Variants in ASB13 observed in about 807,000 individuals in gnomAD.
ASB13 encodes ankyrin repeat and SOCS box containing 13.
ASB13 carries 33 observed loss-of-function variants against 28.8 expected under a neutral mutation model. That is an observed-to-expected ratio of 1.15 (90% confidence interval 0.87 to 1.53). ASB13 has a LOEUF of 1.53. Among genes scored for constraint, ASB13 ranks in the 40% most tolerant of loss-of-function variants. The probability of loss-of-function intolerance (pLI) is 0.00; values close to 1 mark genes in which losing one functional copy is unlikely to be tolerated. For missense variants in ASB13, 414 were observed against 390.1 expected (o/e 1.06, Z -0.52); for synonymous variants, 182 against 172.9 (o/e 1.05, Z -0.41).
At chr10:5,646,245 TG>T (rs1212116786) in intron 4 of ASB13, among the ~76,000 whole-genome samples, 2 of 152,156 alleles carry the variant, frequency 1.3e-5, no homozygotes, top group African/African-American at 2.4e-5. Context: ...GGTAATGTGG[TG>T]GGGGCGGGAG....
In ASB13 at chr10:5,652,900, G is replaced by A. The variant is rs771517257; in HGVS notation, c.194C>T (p.Ala65Val). The A allele has an allele frequency of 1.1e-5, 18 of 1,581,342 alleles. No individual in the cohort carries two copies. Among genetic ancestry groups the A allele is most frequent in the Admixed American group, 3.6e-5 (2 of 55,504 alleles). The part of the protein sequence containing the change: ...PLHAASLQGQ[A>V]RCVQLLLAAG... ...CGCCAGCAGCAGCTGCACACACCGC[G>A]CCTGGCCCTGCAGACTGGCTGCGTG... The change falls in exon 2 of 6, where the codon GCG becomes GTG. Residue 65 changes from alanine (A) to valine (V), a missense_variant. Physicochemically the swap from Ala to Val is moderately conservative, Grantham distance 64. Coordinates refer to ENST00000357700, the MANE Select transcript of ASB13 (RefSeq NM_024701.4). This position sits in a 1 kb window ranked among gnomAD's most constrained non-coding sequence, Gnocchi z 5.0.
Position 5,655,805 on chromosome 10 carries a change from G to A in ASB13, c.44-2755C>T, listed in dbSNP as rs1680804792. ...CCACTTGAAAAAGAAGAGGAAGGCAGGGTAAGGCCTAGGTCTTGCAGCAAA... is the reference window on the plus strand; with the variant it reads ...CCACTTGAAAAAGAAGAGGAAGGCAAGGTAAGGCCTAGGTCTTGCAGCAAA... On this transcript the variant is annotated intron_variant, in intron 1 of 5. Transcript: ENST00000357700. The surrounding 1 kb of genome is among the most constrained non-coding windows in gnomAD (Gnocchi z 6.2). Among the ~76,000 whole-genome samples, 1 of 152,172 alleles carries A rather than the reference G, an allele frequency of 6.6e-6. No homozygotes were observed. The highest frequency in any genetic ancestry group is 1.5e-5 in the Non-Finnish European group (1 of 68,040).
intron 4 of ASB13, among the ~76,000 whole-genome samples, chr10:5,648,703 C>T (rs572899665): frequency 6.6e-6 from 1 of 151,354 alleles, no homozygotes; most frequent in East Asian, 2.0e-4. Context: ...CGCGGGCAAA[C>T]ACCCCCGGGG....
At position 5,650,727 on chromosome 10, in the gene ASB13, C is replaced by CAGCA. The variant is rs1834970694; in HGVS notation, c.382+482_382+485dup. 6.6e-6 allele frequency among the ~76,000 whole-genome samples: 1 copy of CAGCA among 152,230 alleles called. No homozygotes were observed. Among genetic ancestry groups the CAGCA allele is most frequent in the Non-Finnish European group, 1.5e-5 (1 of 68,038 alleles). On this transcript the variant is annotated intron_variant, in intron 3 of 5. Coordinates refer to ENST00000357700, the MANE Select transcript of ASB13 (RefSeq NM_024701.4). This position sits in a 1 kb window ranked among gnomAD's most constrained non-coding sequence, Gnocchi z 6.0. ...TGCTCGGGGTGCCCTTTTATCTTCC[C>CAGCA]AGCATCTGCAGTCTGCCTATTCTTG... is the stretch of plus-strand genomic sequence containing the variant.
At chr10:5,643,944 C>T (rs1834845099) in intron 4 of ASB13, among the ~76,000 whole-genome samples, 2 of 152,354 alleles carry the variant, frequency 1.3e-5, no homozygotes, top group Admixed American at 1.3e-4. Flanking sequence ...GCTCCACAGA[C>T]GAGGCCTTGG....
chr10:5,647,697 C>T (rs1004810454), intron 4 of ASB13, among the ~76,000 whole-genome samples: 10 of 152,178 alleles, frequency 6.6e-5, no homozygotes, highest in Non-Finnish European at 1.3e-4. Flanking sequence ...GGGAAACATC[C>T]TCAGTTCTCC....
At chr10:5,640,981 G>A (rs972169860) in intron 5 of ASB13, 151 bp from the exon 6 acceptor site, 6 of 1,029,086 alleles carry the variant, frequency 5.8e-6, no homozygotes, top group South Asian at 1.7e-5. Context: ...AGGACAGCCA[G>A]GAACCCGAGG....
At position 5,666,541 on chromosome 10, in the gene ASB13, C is replaced by A; in HGVS notation, c.11G>T (p.Arg4Leu). The change falls in exon 1 of 6, where the codon CGG (arginine) becomes CTG (leucine). Residue 4 changes from arginine (R) to leucine (L), a missense_variant. Physicochemically the swap from Arg to Leu is moderately radical, Grantham distance 102. Coordinates refer to ENST00000357700, the MANE Select transcript of ASB13 (RefSeq NM_024701.4). Reference sequence around the variant, plus strand: ...GCCCAGGAAGCAGCCGTCCGCCGCCCGGGGCTCCATGCGGCTCACCGGCGG... The same window carrying A: ...GCCCAGGAAGCAGCCGTCCGCCGCCAGGGGCTCCATGCGGCTCACCGGCGG... MEP[R>L]AADGCFLGDV... 8.1e-7 allele frequency: 1 copy of A among 1,240,274 alleles called. No homozygotes were observed. The highest frequency in any genetic ancestry group is 2.7e-5 in the South Asian group (1 of 36,450). 76.8% of individuals were successfully genotyped at this position (1,240,274 alleles called of 1,614,324 possible). A position where few individuals can be genotyped will look rare whatever the true frequency, so the allele number is the denominator to read the frequency against.
chr10:5,660,894 C>G lies in ASB13; in HGVS notation c.43+5615G>C, dbSNP rs1255257710. 6.6e-6 allele frequency among the ~76,000 whole-genome samples: 1 copy of G among 152,190 alleles called. No individual in the cohort carries two copies. The highest frequency in any genetic ancestry group is 1.5e-5 in the Non-Finnish European group (1 of 68,038). ...ATCGCTCCCTGCCTTGCAAGCCACC[C>G]AGCAGTGTGCCGGGCCATCTCGCCA... On this transcript the variant is annotated intron_variant, in intron 1 of 5. Transcript: ENST00000357700. The surrounding 1 kb of genome is among the most constrained non-coding windows in gnomAD (Gnocchi z 6.1).
Position 5,652,918 on chromosome 10 carries a change from G to T in ASB13, c.176C>A (p.Ala59Asp). 1 of 1,583,812 alleles carries T rather than the reference G, an allele frequency of 6.3e-7. No individual in the cohort carries two copies. The highest frequency in any genetic ancestry group is 1.2e-5 in the South Asian group (1 of 86,414). The change falls in exon 2 of 6, where the codon GCC (alanine) becomes GAC (aspartate). Residue 59 changes from alanine (A) to aspartate (D), a missense_variant. Coordinates refer to ENST00000357700, the MANE Select transcript of ASB13 (RefSeq NM_024701.4). This position sits in a 1 kb window ranked among gnomAD's most constrained non-coding sequence, Gnocchi z 5.0. The stretch of plus-strand genomic sequence containing the variant: ...ACACCGCGCCTGGCCCTGCAGACTG[G>T]CTGCGTGCAGGGGCGTGATGGAGTC... ...TVDSITPLHAASLQGQARCVQ... is the reference protein window; with the variant it reads ...TVDSITPLHADSLQGQARCVQ...
rs1017906275 is a variant in ASB13 at position 5,651,170 on chromosome 10, T to C, written c.382+43A>G. On this transcript the variant is annotated intron_variant, in intron 3 of 5. Transcript: ENST00000357700. The surrounding 1 kb of genome is among the most constrained non-coding windows in gnomAD (Gnocchi z 5.1). Reference sequence around the variant, plus strand: ...CCTTTAATCCCAGAAAGGAGGAAACTTCCAGAGCCCAGCTGGGCCAGCCCA... The same window carrying C: ...CCTTTAATCCCAGAAAGGAGGAAACCTCCAGAGCCCAGCTGGGCCAGCCCA... 6 of 1,556,912 alleles carry C rather than the reference T, an allele frequency of 3.9e-6. No homozygotes were observed. In the African/African-American group the frequency reaches 6.9e-5, roughly 18 times the overall value.
rs145891114 is a variant in ASB13, at chr10:5,651,362, A to G, written c.233T>C (p.Val78Ala). 3.1e-6 allele frequency: 5 copies of G among 1,596,600 alleles called. No individual in the cohort carries two copies. The highest frequency in any genetic ancestry group is 3.4e-5 in the Admixed American group (2 of 58,008). Residue 78 changes from valine to alanine, a missense_variant and splice_region_variant, in exon 3 of 6, where the codon GTG (valine) becomes GCG (alanine). By Grantham distance (64) the Val-to-Ala change is moderately conservative (BLOSUM62 0). Coordinates refer to ENST00000357700, the MANE Select transcript of ASB13 (RefSeq NM_024701.4). This position sits in a 1 kb window ranked among gnomAD's most constrained non-coding sequence, Gnocchi z 5.1. ...VQLLLAAGAQ[V>A]DARNIDGSTP... ...GCTGCCGTCGATGTTGCGAGCATCC[A>G]CCTCACGGGAGGAAGAAACAAGTGT...
chr10:5,657,475 A>G (rs1200829722), intron 1 of ASB13, among the ~76,000 whole-genome samples: 1 of 152,212 alleles, frequency 6.6e-6, no homozygotes, highest in African/African-American at 2.4e-5. Flanking sequence ...CAAAACCACA[A>G]TAAGATACTA....
rs1455291280 is a variant in ASB13 at position 5,662,536 on chromosome 10, G to GC, written c.43+3972_43+3973insG. On this transcript the variant is annotated intron_variant, in intron 1 of 5. Coordinates refer to ENST00000357700, the MANE Select transcript of ASB13 (RefSeq NM_024701.4). ...CAGACTGAGACTCTGTCGAGAAGGG[G>GC]GGGGGAGGGGAGGGGAGGGGAGGGG... Among the ~76,000 whole-genome samples, 353 of 49,452 alleles carry GC rather than the reference G, an allele frequency of 7.1e-3. 19 individuals carry two copies. The highest frequency in any genetic ancestry group is 0.012 in the Non-Finnish European group (251 of 20,388). The allele number at this position is 49,452 out of a possible 152,430, so 32.4% of individuals were successfully genotyped here.
chr10:5,654,008 G>A (rs1488590260), intron 1 of ASB13, among the ~76,000 whole-genome samples: 1 of 151,770 alleles, frequency 6.6e-6, no homozygotes, highest in Non-Finnish European at 1.5e-5. Flanking sequence ...TTGTTGAATT[G>A]CTCTGGCTAG....
rs190969974 is a variant in ASB13 at position 5,663,711 on chromosome 10, T to C, written c.43+2798A>G. Among the ~76,000 whole-genome samples the C allele has an allele frequency of 3.9e-5, 6 of 152,326 alleles. No individual in the cohort carries two copies. The East Asian group carries it at 9.6e-4, about 24-fold the overall frequency. On this transcript the variant is annotated intron_variant, in intron 1 of 5. Coordinates refer to ENST00000357700, the MANE Select transcript of ASB13 (RefSeq NM_024701.4). The surrounding 1 kb of genome is among the most constrained non-coding windows in gnomAD (Gnocchi z 4.9). ...TGCCCATAAACATGCTTCCTAAGCC[T>C]TTGTAACTTGCTAATTTCCTCTGAT...
chr10:5,662,608 G>GAAGAGAAGAGAAGAGAAGAA (rs1835192911), intron 1 of ASB13, among the ~76,000 whole-genome samples: 6 of 147,644 alleles, frequency 4.1e-5, no homozygotes, highest in Non-Finnish European at 6.0e-5. Flanking sequence ...GAAGAGAAGA[G>GAAGAGAAGAGAAGAGAAGAA]AAGAGAAGAG....
Position 5,656,006 on chromosome 10 carries a change from T to TCACAACATG in ASB13, c.44-2965_44-2957dup, listed in dbSNP as rs1305459870. 1.3e-5 allele frequency among the ~76,000 whole-genome samples: 2 copies of TCACAACATG among 152,142 alleles called. No homozygotes were observed. Among genetic ancestry groups the TCACAACATG allele is most frequent in the Non-Finnish European group, 2.9e-5 (2 of 68,028 alleles). ...ACCAGGGAATAAATGCGCAGATAAT[T>TCACAACATG]CACAACATGACAACTGCGATCATGT... is the stretch of plus-strand genomic sequence containing the variant. On this transcript the variant is annotated intron_variant, in intron 1 of 5. Transcript: ENST00000357700. This position sits in a 1 kb window ranked among gnomAD's most constrained non-coding sequence, Gnocchi z 4.3.
At chr10:5,653,108 G>C in intron 1 of ASB13, 58 bp from the exon 2 acceptor site, 4 of 1,454,884 alleles carry the variant, frequency 2.7e-6, no homozygotes, top group Non-Finnish European at 3.7e-6. Flanking sequence ...GGACAAATGA[G>C]CACACGTAAG....
Sources: gnomAD v4.1 joint callset for allele counts (sites outside exome capture counted in the v4.1 genomes callset) on GRCh38, gnomAD v4.1.1 for gene constraint, Gnocchi (gnomAD v3.1) non-coding constraint, MANE v1.5 for transcripts, NCBI Gene and HGNC (gene_info 2026-07-23, HGNC 2026-07-21) for gene names.